Variants in YWHAQ observed in about 807,000 individuals in gnomAD.
YWHAQ encodes the protein 14-3-3 protein theta.
A neutral mutation model predicts 28.3 loss-of-function variants in YWHAQ; 6 were observed. That is an observed-to-expected ratio of 0.21 (90% CI 0.12 to 0.42). The LOEUF (loss-of-function observed/expected upper bound fraction) is 0.42, where lower values mean the gene tolerates loss of function less well. YWHAQ is among the 10% of genes least tolerant of loss of function. YWHAQ has a pLI of 1.00. For synonymous variants in YWHAQ, 143 were observed against 119.1 expected, an observed-to-expected ratio of 1.20 and a Z score of -1.31; for missense variants, 201 against 305.6, an observed-to-expected ratio of 0.66 and a Z score of 2.55.
At chr2:9,623,544 C>T (rs1319579798) in intron 2 of YWHAQ, among the ~76,000 whole-genome samples, 2 of 152,112 alleles carry the variant, frequency 1.3e-5, no homozygotes, top group South Asian at 4.1e-4. Flanking sequence ...GAAGCCGAGG[C>T]GGGAGGATCA....
chr2:9,612,429 T>C (rs1227914728), intron 2 of YWHAQ, among the ~76,000 whole-genome samples: 1 of 152,196 alleles, frequency 6.6e-6, no homozygotes, highest in Non-Finnish European at 1.5e-5. Context: ...CCAGGTAATT[T>C]AAATGGTAAA....
rs1186267622 is a variant in YWHAQ at position 9,584,011 on chromosome 2, C to T, written c.*1275G>A. On this transcript the variant is annotated 3_prime_UTR_variant, in exon 6 of 6. Coordinates refer to ENST00000238081, the MANE Select transcript of YWHAQ (RefSeq NM_006826.4). ...AATGTCCACTTTATTCCATATAACACTTAACCAGATATCATTTACATCTGA... is the reference window on the plus strand; with the variant it reads ...AATGTCCACTTTATTCCATATAACATTTAACCAGATATCATTTACATCTGA... The T allele has an allele frequency of 6.6e-6, 1 of 152,194 alleles. No homozygotes were observed. Among genetic ancestry groups the T allele is most frequent in the African/African-American group, 2.4e-5 (1 of 41,452 alleles). 9.4% of individuals were successfully genotyped at this position (152,194 alleles called of 1,614,324 possible).
At chr2:9,621,030 G>A (rs1428296851) in intron 2 of YWHAQ, among the ~76,000 whole-genome samples, 1 of 152,140 alleles carries the variant, frequency 6.6e-6, no homozygotes, top group Non-Finnish European at 1.5e-5. Flanking sequence ...ACTTTCATAA[G>A]TCTAAGATAT....
chr2:9,613,149 TA>T (rs1263060116), intron 2 of YWHAQ, among the ~76,000 whole-genome samples: 14 of 152,146 alleles, frequency 9.2e-5, no homozygotes, highest in African/African-American at 3.1e-4. Flanking sequence ...CCTTCAAAAA[TA>T]TTTTTTTTAA....
At chr2:9,615,897 C>A (rs1667030854) in intron 2 of YWHAQ, among the ~76,000 whole-genome samples, 1 of 152,144 alleles carries the variant, frequency 6.6e-6, no homozygotes, top group Admixed American at 6.5e-5. Context: ...CCTCAATTTC[C>A]TTACAATTTC....
Position 9,626,247 on chromosome 2 carries a change from A to G in YWHAQ, c.294+3912T>C, listed in dbSNP as rs189303811. Among the ~76,000 whole-genome samples, 220 of 152,358 alleles carry G rather than the reference A, an allele frequency of 1.4e-3. 1 individual carries two copies. The highest frequency in any genetic ancestry group is 2.6e-3 in the Non-Finnish European group (179 of 68,028). ...GGATAATATGATGTCTAAGATAGAA[A>G]TTATCTTGTATACACTCAAACTGCC... On this transcript the variant is annotated intron_variant, in intron 2 of 5. Transcript: ENST00000238081.
chr2:9,623,632 G>C (rs895443053), intron 2 of YWHAQ, among the ~76,000 whole-genome samples: 2 of 152,126 alleles, frequency 1.3e-5, no homozygotes, highest in African/African-American at 4.8e-5. Flanking sequence ...AATTAGCCGG[G>C]TGTGGTGGTG....
At chr2:9,592,442 AG>A (rs1666475948) in intron 2 of YWHAQ, among the ~76,000 whole-genome samples, 2 of 152,048 alleles carry the variant, frequency 1.3e-5, no homozygotes, top group Non-Finnish European at 2.9e-5. Context: ...AAACCTTTTT[AG>A]GGCCGGGCGC....
chr2:9,587,318 C>A, intron 5 of YWHAQ, 96 bp downstream of exon 5: 1 of 1,066,842 alleles, frequency 9.4e-7, no homozygotes, highest in Non-Finnish European at 1.4e-6. Context: ...ACTTTCAGCT[C>A]GTATGTATCT....
chr2:9,600,954 C>T (rs544189493), intron 2 of YWHAQ, among the ~76,000 whole-genome samples: 2 of 152,090 alleles, frequency 1.3e-5, no homozygotes, highest in Non-Finnish European at 2.9e-5. Context: ...AGACAAAATG[C>T]TATTGTGCAC....
chr2:9,602,849 AAAAAAAAAAAAAAATATATATAT>A (rs1421445921), intron 2 of YWHAQ, among the ~76,000 whole-genome samples: 60 of 16,708 alleles, frequency 3.6e-3, no homozygotes, highest in African/African-American at 0.011. Flanking sequence ...AAAAAAAAAA[AAAAAAAAAAAAAAATATATATAT>A]ATATATATAT....
rs113360120 is a variant in YWHAQ at position 9,612,120 on chromosome 2, T to C, written c.294+18039A>G. Reference sequence around the variant, plus strand: ...CCAAAGTCCTACTGATTTCACCTTTTCACAGTGTCACAGTATTTTTGAAAA... The same window carrying C: ...CCAAAGTCCTACTGATTTCACCTTTCCACAGTGTCACAGTATTTTTGAAAA... On this transcript the variant is annotated intron_variant, in intron 2 of 5. Transcript: ENST00000238081. Among the ~76,000 whole-genome samples, 1,181 of 152,364 alleles carry C rather than the reference T, an allele frequency of 7.8e-3. 17 individuals are homozygous for C. Among genetic ancestry groups the C allele is most frequent in the African/African-American group, 0.027 (1,111 of 41,584 alleles).
At position 9,630,483 on chromosome 2, in the gene YWHAQ, G is replaced by A. The variant is rs375411374; in HGVS notation, c.-31C>T. On this transcript the variant is annotated 5_prime_UTR_variant, in exon 2 of 6. Transcript: ENST00000238081. The surrounding 1 kb of genome is among the most constrained non-coding windows in gnomAD (Gnocchi z 5.6). ...GCGCGGGGCCGGGGCCGGGGCGGAGGGCGAGGAGAGCGAGGGCGAGCGCCG... is the reference window on the plus strand; with the variant it reads ...GCGCGGGGCCGGGGCCGGGGCGGAGAGCGAGGAGAGCGAGGGCGAGCGCCG... 17 of 1,556,922 alleles carry A rather than the reference G, an allele frequency of 1.1e-5. No individual in the cohort carries two copies. Among genetic ancestry groups the A allele is most frequent in the South Asian group, 7.0e-5 (6 of 85,214 alleles).
chr2:9,606,783 C>G (rs1476013974), intron 2 of YWHAQ, among the ~76,000 whole-genome samples: 1 of 151,958 alleles, frequency 6.6e-6, no homozygotes, highest in Admixed American at 6.6e-5. Flanking sequence ...TTCCTTACTG[C>G]TTTGTAGGAA....
intron 2 of YWHAQ, among the ~76,000 whole-genome samples, chr2:9,619,915 T>G (rs1667111284): frequency 6.6e-6 from 1 of 152,218 alleles, no homozygotes; most frequent in Non-Finnish European, 1.5e-5. Context: ...GCAAAAATCC[T>G]GTGAGCTGCA....
chr2:9,596,210 T>C (rs1443637910), intron 2 of YWHAQ, among the ~76,000 whole-genome samples: 1 of 151,538 alleles, frequency 6.6e-6, no homozygotes, highest in Non-Finnish European at 1.5e-5. Context: ...ATTCCTCCTT[T>C]CCCCCACCCC....
At chr2:9,621,593 C>T (rs1338918958) in intron 2 of YWHAQ, among the ~76,000 whole-genome samples, 1 of 115,702 alleles carries the variant, frequency 8.6e-6, no homozygotes, top group African/African-American at 5.8e-5. Flanking sequence ...AGGCATATCA[C>T]TAGTTTTTTT....
intron 2 of YWHAQ, among the ~76,000 whole-genome samples, chr2:9,618,580 C>T (rs1038009133): frequency 1.1e-4 from 16 of 152,018 alleles, no homozygotes; most frequent in African/African-American, 3.4e-4. Flanking sequence ...GAAGACGGAT[C>T]ACTGCAGCCT....
intron 2 of YWHAQ, among the ~76,000 whole-genome samples, chr2:9,598,195 C>A (rs543701221): frequency 2.0e-5 from 3 of 152,198 alleles, no homozygotes; most frequent in African/African-American, 7.2e-5. Context: ...GGACACCACA[C>A]AGAAGACATC....
Sources: gnomAD v4.1 joint callset for allele counts (sites outside exome capture counted in the v4.1 genomes callset) on GRCh38, gnomAD v4.1.1 for gene constraint, Gnocchi (gnomAD v3.1) non-coding constraint, MANE v1.5 for transcripts, NCBI Gene and HGNC (gene_info 2026-07-23, HGNC 2026-07-21) for gene names.